Variants in CHIC1 observed in about 807,000 individuals in gnomAD.
CHIC1 encodes cysteine-rich hydrophobic domain-containing protein 1.
In CHIC1, 7 loss-of-function variants were observed where a neutral mutation model predicts 18.5. The observed-to-expected ratio is 0.38, with a 90% CI of 0.22 to 0.71. CHIC1 has a LOEUF of 0.71. CHIC1 is among the 30% of genes least tolerant of loss of function. The pLI is 0.49. For synonymous variants in CHIC1, 77 were observed against 73.5 expected (o/e 1.05, Z -0.25); for missense variants, 159 against 176.9 (o/e 0.90, Z 0.57).
intron 3 of CHIC1, among the ~76,000 whole-genome samples, chrX:73,639,231 G>A (rs1259994120): frequency 9.0e-6 from 1 of 111,582 alleles, no homozygotes; most frequent in African/African-American, 3.3e-5. Context: ...ACTGACGTGA[G>A]ATAGTATCTC....
At position 73,612,022 on chromosome X, in the gene CHIC1, T is replaced by G. The variant is rs1056789784; in HGVS notation, c.507+27450T>G. 4.2e-4 allele frequency among the ~76,000 whole-genome samples: 46 copies of G among 109,116 alleles called. 1 individual carries two copies. The highest frequency in any genetic ancestry group is 1.1e-4 in the Non-Finnish European group (6 of 52,472). 94.8% of individuals were successfully genotyped at this position (109,116 alleles called of 115,157 possible). A position where few individuals can be genotyped will look rare whatever the true frequency, so the allele number is the denominator to read the frequency against. On this transcript the variant is annotated intron_variant, in intron 3 of 5. Coordinates refer to ENST00000373502, the MANE Select transcript of CHIC1 (RefSeq NM_001039840.4). ...TTTGCTGTGCAGAAGCTCTTTAGTT[T>G]AATTAGATCCCATTTGTCAATTTTG...
At chrX:73,663,277 G>T (rs1450901521) in intron 3 of CHIC1, among the ~76,000 whole-genome samples, 1 of 111,039 alleles carries the variant, frequency 9.0e-6, no homozygotes, top group Non-Finnish European at 1.9e-5. Context: ...GCTTTTAATT[G>T]CTCAACTAAT....
chrX:73,668,016 T>A (rs1016641470), intron 3 of CHIC1, among the ~76,000 whole-genome samples: 1 of 111,935 alleles, frequency 8.9e-6, no homozygotes, highest in Admixed American at 9.5e-5. Flanking sequence ...ATAGATTTGG[T>A]CGCTTTACAT....
At chrX:73,666,419 A>G (rs1470664772) in intron 3 of CHIC1, among the ~76,000 whole-genome samples, 4 of 112,259 alleles carry the variant, frequency 3.6e-5, no homozygotes, top group African/African-American at 1.3e-4. Context: ...GGAAGCATCC[A>G]GCATGGGAGA....
chrX:73,656,165 A>T (rs1394171930), intron 3 of CHIC1, among the ~76,000 whole-genome samples: 1 of 110,661 alleles, frequency 9.0e-6, no homozygotes, highest in Non-Finnish European at 1.9e-5. Flanking sequence ...TTCTCTTGTT[A>T]AGTTTGTTTA....
At chrX:73,587,779 C>T (rs1265957678) in intron 3 of CHIC1, among the ~76,000 whole-genome samples, 4 of 111,456 alleles carry the variant, frequency 3.6e-5, no homozygotes, top group African/African-American at 6.5e-5. Context: ...TCATAAAATA[C>T]GTTTTGTGCT....
chrX:73,658,248 G>GTTTTTTTTT lies in CHIC1; in HGVS notation c.508-21055_508-21047dup, dbSNP rs869309622. On this transcript the variant is annotated intron_variant, in intron 3 of 5. Transcript: ENST00000373502. The stretch of plus-strand genomic sequence containing the variant: ...ATTCAGCTGTGAATCCTGGTCCTAG[G>GTTTTTTTTT]TTTTTTTTTTTTTTTTTTTTTTTTT... 5.8e-3 allele frequency among the ~76,000 whole-genome samples: 97 copies of GTTTTTTTTT among 16,711 alleles called. 15 individuals are homozygous for GTTTTTTTTT. Among genetic ancestry groups the GTTTTTTTTT allele is most frequent in the Non-Finnish European group, 6.6e-3 (68 of 10,252 alleles). The allele number at this position is 16,711 out of a possible 115,157, so 14.5% of individuals were successfully genotyped here. A position where few individuals can be genotyped will look rare whatever the true frequency, so the allele number is the denominator to read the frequency against.
At chrX:73,644,789 C>G (rs1229011187) in intron 3 of CHIC1, among the ~76,000 whole-genome samples, 2 of 111,319 alleles carry the variant, frequency 1.8e-5, no homozygotes, top group Non-Finnish European at 3.8e-5. Context: ...GTCTGTCATC[C>G]AGGTTTGCTG....
chrX:73,666,414 C>G (rs959434888), intron 3 of CHIC1, among the ~76,000 whole-genome samples: 2 of 112,122 alleles, frequency 1.8e-5, no homozygotes, highest in Admixed American at 1.9e-4. Context: ...GGGTAGGAAG[C>G]ATCCAGCATG....
intron 3 of CHIC1, among the ~76,000 whole-genome samples, chrX:73,656,135 G>A (rs1323981159): frequency 9.0e-6 from 1 of 111,326 alleles, no homozygotes; most frequent in African/African-American, 3.3e-5. Flanking sequence ...TATGTCTTTT[G>A]CCCACTTTTT....
chrX:73,574,239 G>C (rs939074507), intron 1 of CHIC1, among the ~76,000 whole-genome samples: 1 of 110,800 alleles, frequency 9.0e-6, no homozygotes, highest in Admixed American at 9.6e-5. Context: ...TTATTGATTT[G>C]TGTATGTTGA....
At chrX:73,630,878 T>C (rs7060629) in intron 3 of CHIC1, among the ~76,000 whole-genome samples, 25 of 112,300 alleles carry the variant, frequency 2.2e-4, no homozygotes, top group African/African-American at 7.4e-4. Flanking sequence ...TGTGCTTTTC[T>C]TTGTTGGAAG....
intron 3 of CHIC1, among the ~76,000 whole-genome samples, chrX:73,642,892 G>T (rs1028849721): frequency 5.5e-5 from 6 of 108,912 alleles, no homozygotes; most frequent in Non-Finnish European, 9.6e-5. Context: ...CTCTGTTTTG[G>T]TACCAGTACC....
chrX:73,594,826 G>C (rs1000936105), intron 3 of CHIC1, among the ~76,000 whole-genome samples: 2 of 111,584 alleles, frequency 1.8e-5, no homozygotes, highest in African/African-American at 6.5e-5. Context: ...GCCTGTTCTA[G>C]ATACCTCATG....
At chrX:73,676,792 GAGA>G (rs1569505910) in intron 3 of CHIC1, among the ~76,000 whole-genome samples, 1 of 111,799 alleles carries the variant, frequency 8.9e-6, no homozygotes, top group Admixed American at 9.5e-5. Flanking sequence ...CGTTCCTTTG[GAGA>G]AGGAGAGGTG....
chrX:73,664,112 G>A (rs960438978), intron 3 of CHIC1, among the ~76,000 whole-genome samples: 9 of 111,364 alleles, frequency 8.1e-5, no homozygotes, highest in African/African-American at 2.0e-4. Context: ...TCATCTGACC[G>A]AGGAAAGCCA....
chrX:73,575,527 A>G (rs1383698753), intron 1 of CHIC1, among the ~76,000 whole-genome samples: 5 of 110,457 alleles, frequency 4.5e-5, no homozygotes, highest in African/African-American at 1.6e-4. Flanking sequence ...AAACCTGTAC[A>G]GCATGTGACT....
intron 3 of CHIC1, among the ~76,000 whole-genome samples, chrX:73,674,204 T>G (rs922598122): frequency 9.0e-6 from 1 of 111,574 alleles, no homozygotes; most frequent in Non-Finnish European, 1.9e-5. Flanking sequence ...CTTTTTTGGT[T>G]GTGTCTCTGC....
chrX:73,572,585 G>T (rs1399257787), intron 1 of CHIC1, among the ~76,000 whole-genome samples: 2 of 111,122 alleles, frequency 1.8e-5, no homozygotes, highest in African/African-American at 6.5e-5. Flanking sequence ...CACCAATGTT[G>T]TATAAGTGTC....
Sources: gnomAD v4.1 joint callset for allele counts (sites outside exome capture counted in the v4.1 genomes callset) on GRCh38, gnomAD v4.1.1 for gene constraint, MANE v1.5 for transcripts, NCBI Gene and HGNC (gene_info 2026-07-23, HGNC 2026-07-21) for gene names.